LINGO2: variants seen among roughly 807,000 people sequenced by gnomAD.
The protein encoded by LINGO2 is leucine rich repeat and Ig domain containing 2.
Under a neutral mutation model 30.6 loss-of-function variants are expected in LINGO2, and 14 were observed. The observed-to-expected ratio is 0.46, with a 90% CI of 0.30 to 0.72. LINGO2 has a LOEUF of 0.72. Ranked by LOEUF, LINGO2 falls within the 30% of genes least tolerant of loss-of-function variation. The pLI is 0.07. For missense variants in LINGO2, 729 were observed against 751.7 expected, an observed-to-expected ratio of 0.97 and a Z score of 0.35; for synonymous variants, 317 against 288.5, an observed-to-expected ratio of 1.10 and a Z score of -1.00.
chr9:28,253,257 T>C (rs1428370578), intron 4 of LINGO2, among the ~76,000 whole-genome samples: 1 of 152,094 alleles, frequency 6.6e-6, no homozygotes, highest in Admixed American at 6.6e-5. Context: ...CTGTAGGATA[T>C]TGACAGGTGC....
At chr9:28,831,465 C>T in the LINGO2 span, among the ~76,000 whole-genome samples, 1 of 151,740 alleles carries the variant, frequency 6.6e-6, no homozygotes, top group Non-Finnish European at 1.5e-5. Context: ...TAGAAGACAC[C>T]GAGTAATTGA....
the LINGO2 span, among the ~76,000 whole-genome samples, chr9:29,047,051 A>AAAAAAACAAAAAAC: frequency 9.4e-6 from 1 of 106,908 alleles, no homozygotes; most frequent in African/African-American, 3.3e-5. Flanking sequence ...AAAAAAAAAA[A>AAAAAAACAAAAAAC]CCAAAAACAA....
intron 2 of LINGO2, among the ~76,000 whole-genome samples, chr9:28,394,359 TG>T (rs373582998): frequency 2.6e-5 from 4 of 152,206 alleles, no homozygotes; most frequent in African/African-American, 4.8e-5. Context: ...AAATGGGGAT[TG>T]TTTTTTCCAT....
chr9:28,831,368 C>T, the LINGO2 span, among the ~76,000 whole-genome samples: 1 of 152,060 alleles, frequency 6.6e-6, no homozygotes, highest in South Asian at 2.1e-4. Context: ...GAAGGAAGGC[C>T]ATATGGTAGT....
At chr9:28,865,152 C>A in the LINGO2 span, among the ~76,000 whole-genome samples, 5 of 152,114 alleles carry the variant, frequency 3.3e-5, no homozygotes, top group East Asian at 1.9e-4. Flanking sequence ...AAAGAAATAA[C>A]GTGATTTTTA....
chr9:28,037,472 T>TCA (rs1563932888), intron 4 of LINGO2, among the ~76,000 whole-genome samples: 1 of 151,568 alleles, frequency 6.6e-6, no homozygotes, highest in Admixed American at 6.6e-5. Context: ...CTGTCTCCTT[T>TCA]AAAAAAAAAG....
intron 4 of LINGO2, among the ~76,000 whole-genome samples, chr9:28,241,163 G>A (rs62555365): frequency 0.33 from 49,595 of 150,398 alleles, 8,148 homozygotes; most frequent in Middle Eastern, 0.38. Context: ...CAGCTACTTG[G>A]GAGGCTGAGG....
chr9:28,394,369 A>G (rs978023326), intron 2 of LINGO2, among the ~76,000 whole-genome samples: 1 of 152,022 alleles, frequency 6.6e-6, no homozygotes, highest in Admixed American at 6.6e-5. Context: ...TGTTTTTTCC[A>G]TCATCCAAAC....
the LINGO2 span, among the ~76,000 whole-genome samples, chr9:28,705,556 A>G: frequency 4.6e-5 from 7 of 152,122 alleles, no homozygotes; most frequent in Non-Finnish European, 1.0e-4. Flanking sequence ...GCCCATGCTC[A>G]TAAGAACAGA....
intron 4 of LINGO2, among the ~76,000 whole-genome samples, chr9:28,123,778 C>T (rs184732041): frequency 2.0e-5 from 3 of 151,976 alleles, no homozygotes; most frequent in African/African-American, 4.8e-5. Flanking sequence ...ATTTTCCTGC[C>T]TCAGCCTCCT....
chr9:29,161,198 C>T, the LINGO2 span, among the ~76,000 whole-genome samples: 2 of 152,056 alleles, frequency 1.3e-5, no homozygotes, highest in African/African-American at 4.8e-5. Flanking sequence ...CGAGAGGAGG[C>T]GCAGAGCCAC....
At chr9:28,386,076 C>G (rs1307643333) in intron 2 of LINGO2, among the ~76,000 whole-genome samples, 8 of 152,168 alleles carry the variant, frequency 5.3e-5, no homozygotes, top group Non-Finnish European at 8.8e-5. Flanking sequence ...AAGCCTTGCA[C>G]ATAACACAAC....
At chr9:28,054,156 T>C (rs1824808362) in intron 4 of LINGO2, among the ~76,000 whole-genome samples, 1 of 152,054 alleles carries the variant, frequency 6.6e-6, no homozygotes, top group African/African-American at 2.4e-5. Flanking sequence ...ATTGGGACCT[T>C]AGCCTGTTGT....
the LINGO2 span, among the ~76,000 whole-genome samples, chr9:28,789,244 T>C: frequency 6.6e-6 from 1 of 152,130 alleles, no homozygotes; most frequent in Non-Finnish European, 1.5e-5. Flanking sequence ...ATTAAAATAA[T>C]CTCACTGTTT....
intron 1 of LINGO2, among the ~76,000 whole-genome samples, chr9:28,661,330 G>A (rs1302865884): frequency 6.6e-6 from 1 of 152,110 alleles, no homozygotes; most frequent in Non-Finnish European, 1.5e-5. Context: ...ATAGGTGAAT[G>A]AGGCCATCCT....
At chr9:28,170,315 AG>A (rs1412005299) in intron 4 of LINGO2, among the ~76,000 whole-genome samples, 2 of 152,220 alleles carry the variant, frequency 1.3e-5, no homozygotes, top group Non-Finnish European at 1.5e-5. Context: ...AAAGTTCACA[AG>A]GTAGTTATTA....
the LINGO2 span, among the ~76,000 whole-genome samples, chr9:28,854,616 GT>G: frequency 6.6e-6 from 1 of 151,892 alleles, no homozygotes; most frequent in Non-Finnish European, 1.5e-5. Flanking sequence ...TAAGAATAAA[GT>G]TACCTCTTTA....
chr9:28,944,819 T>C, the LINGO2 span, among the ~76,000 whole-genome samples: 1 of 152,084 alleles, frequency 6.6e-6, no homozygotes, highest in Non-Finnish European at 1.5e-5. Flanking sequence ...TGAAAGTCAA[T>C]AAGCACACTG....
intron 3 of LINGO2, among the ~76,000 whole-genome samples, chr9:28,343,319 C>T (rs987807699): frequency 3.3e-5 from 5 of 152,260 alleles, no homozygotes; most frequent in African/African-American, 1.2e-4. Flanking sequence ...CGCAAACATA[C>T]ATATATACAT....
Sources: allele counts gnomAD v4.1 joint callset (sites outside exome capture counted in the v4.1 genomes callset), GRCh38; gene constraint gnomAD v4.1.1; transcripts MANE v1.5; gene names NCBI Gene and HGNC (gene_info 2026-07-23, HGNC 2026-07-21).